The following NSMCE2 variants were observed in gnomAD, a reference collection of about 807,000 sequenced individuals.
The protein encoded by NSMCE2 is E3 SUMO-protein ligase NSE2.
NSMCE2 carries 24 observed loss-of-function variants against 23.8 expected under a neutral mutation model. The ratio of observed to expected loss-of-function variants is 1.01; its 90% CI spans 0.73 to 1.42. NSMCE2 has a LOEUF of 1.42. Ranked by LOEUF, NSMCE2 falls within the 40% of genes most tolerant of loss-of-function variation. The pLI is 0.00. For missense variants in NSMCE2, 284 were observed against 296.5 expected (o/e 0.96, Z 0.31); for synonymous variants, 92 against 94.1 (o/e 0.98, Z 0.13).
At chr8:125,273,962 A>G (rs982867952) in intron 5 of NSMCE2, among the ~76,000 whole-genome samples, 11 of 152,326 alleles carry the variant, frequency 7.2e-5, no homozygotes, top group African/African-American at 2.6e-4. Flanking sequence ...TCCCTCCTCC[A>G]GGTGCCTCCT....
At chr8:125,203,746 A>G (rs1823989876) in intron 5 of NSMCE2, among the ~76,000 whole-genome samples, 1 of 152,166 alleles carries the variant, frequency 6.6e-6, no homozygotes, top group Non-Finnish European at 1.5e-5. Context: ...TTGAGATTAC[A>G]AGGTCCTAGA....
rs186483427 is a variant in NSMCE2 at position 125,241,310 on chromosome 8, A to G, written c.418+59054A>G. Among the ~76,000 whole-genome samples, 1,353 of 152,354 alleles carry G rather than the reference A, an allele frequency of 8.9e-3. 10 individuals carry two copies. The highest frequency in any genetic ancestry group is 0.015 in the Non-Finnish European group (1,048 of 68,028). ...GGCACTGAAATAGAGTGAAAAAGACATTGGCTCACCCATGAAAATGTATAA... is the reference window on the plus strand; with the variant it reads ...GGCACTGAAATAGAGTGAAAAAGACGTTGGCTCACCCATGAAAATGTATAA... On this transcript the variant is annotated intron_variant, in intron 5 of 7. Coordinates refer to ENST00000287437, the MANE Select transcript of NSMCE2 (RefSeq NM_173685.4).
chr8:125,202,091 A>T (rs1823908700), intron 5 of NSMCE2, among the ~76,000 whole-genome samples: 1 of 152,210 alleles, frequency 6.6e-6, no homozygotes, highest in Non-Finnish European at 1.5e-5. Context: ...TTTTGGCGAG[A>T]GTGTCCTGTT....
At chr8:125,334,913 A>T (rs1282690190) in intron 5 of NSMCE2, among the ~76,000 whole-genome samples, 1 of 145,556 alleles carries the variant, frequency 6.9e-6, no homozygotes, top group East Asian at 2.1e-4. Flanking sequence ...ACACCACCAC[A>T]CCCGGCTAAT....
intron 5 of NSMCE2, among the ~76,000 whole-genome samples, chr8:125,293,443 T>C (rs1433568357): frequency 6.6e-6 from 1 of 152,238 alleles, no homozygotes; most frequent in African/African-American, 2.4e-5. Context: ...TAGAGCTAAT[T>C]ATTCTTTGTT....
At chr8:125,229,447 A>G (rs1039049488) in intron 5 of NSMCE2, among the ~76,000 whole-genome samples, 1 of 152,116 alleles carries the variant, frequency 6.6e-6, no homozygotes, top group Admixed American at 6.6e-5. Context: ...CATTTTAGAG[A>G]GCACTGGAAT....
rs115566093 is a variant in NSMCE2 at position 125,185,263 on chromosome 8, G to A, written c.418+3007G>A. On this transcript the variant is annotated intron_variant, in intron 5 of 7. Transcript: ENST00000287437. The stretch of plus-strand genomic sequence containing the variant: ...TAATCTATCTGTGGCTCAGCAGCTG[G>A]TTCTCAAAGTTTTTGGTCTTCTGCT... Among the ~76,000 whole-genome samples the A allele has an allele frequency of 4.6e-3, 694 of 152,104 alleles. 8 individuals are homozygous for A. Among genetic ancestry groups the A allele is most frequent in the African/African-American group, 0.016 (671 of 41,492 alleles).
At chr8:125,362,957 C>T (rs1586823114) in intron 7 of NSMCE2, 1 of 152,056 alleles carries the variant, frequency 6.6e-6, no homozygotes, top group African/African-American at 2.4e-5. Flanking sequence ...ACCTCACTCT[C>T]CACTTCCCTC....
intron 5 of NSMCE2, among the ~76,000 whole-genome samples, chr8:125,303,796 C>T (rs1828654659): frequency 6.6e-6 from 1 of 152,176 alleles, no homozygotes; most frequent in African/African-American, 2.4e-5. Context: ...CCCTCAGTTG[C>T]TCTCAGCTTC....
At chr8:125,177,642 C>T (rs1369475342) in intron 4 of NSMCE2, among the ~76,000 whole-genome samples, 2 of 152,182 alleles carry the variant, frequency 1.3e-5, no homozygotes. Flanking sequence ...AATTCCAGCG[C>T]TGTGTGCAGA....
chr8:125,134,806 C>A (rs957655462), intron 3 of NSMCE2, among the ~76,000 whole-genome samples: 1 of 150,312 alleles, frequency 6.7e-6, no homozygotes, highest in African/African-American at 2.5e-5. Flanking sequence ...TAGCTCACTG[C>A]AGCCTCTACC....
At chr8:125,335,325 C>A (rs1246292439) in intron 5 of NSMCE2, among the ~76,000 whole-genome samples, 1 of 152,174 alleles carries the variant, frequency 6.6e-6, no homozygotes, top group African/African-American at 2.4e-5. Context: ...ATGCCTTTAT[C>A]CTCAGAACAG....
At chr8:125,122,316 C>T (rs1300581991) in intron 3 of NSMCE2, among the ~76,000 whole-genome samples, 1 of 152,104 alleles carries the variant, frequency 6.6e-6, no homozygotes, top group African/African-American at 2.4e-5. Flanking sequence ...CTTCTTGGAT[C>T]ATCTTTGTTT....
chr8:125,136,141 CA>C (rs1270610305), intron 3 of NSMCE2, among the ~76,000 whole-genome samples: 1 of 152,080 alleles, frequency 6.6e-6, no homozygotes, highest in Non-Finnish European at 1.5e-5. Flanking sequence ...TTTGAGACAG[CA>C]GACAAATCTA....
intron 3 of NSMCE2, among the ~76,000 whole-genome samples, chr8:125,118,212 G>A (rs1409010906): frequency 5.3e-5 from 8 of 152,096 alleles, no homozygotes; most frequent in African/African-American, 1.7e-4. Context: ...TGGGCATGGT[G>A]GCACACGCCT....
At chr8:125,150,488 C>T (rs1374225731) in intron 3 of NSMCE2, among the ~76,000 whole-genome samples, 1 of 115,870 alleles carries the variant, frequency 8.6e-6, no homozygotes, top group Non-Finnish European at 1.6e-5. Context: ...GGCTGGAGTG[C>T]AATAGCATGA....
intron 5 of NSMCE2, among the ~76,000 whole-genome samples, chr8:125,324,438 T>G (rs1829566666): frequency 1.4e-5 from 2 of 145,552 alleles, no homozygotes; most frequent in African/African-American, 5.2e-5. Context: ...GAATAGACAT[T>G]GTATGTCATA....
At chr8:125,224,807 A>G (rs1825024869) in intron 5 of NSMCE2, among the ~76,000 whole-genome samples, 1 of 152,200 alleles carries the variant, frequency 6.6e-6, no homozygotes, top group Non-Finnish European at 1.5e-5. Flanking sequence ...AGGTTGAGCA[A>G]TTTGCCAAAC....
At chr8:125,260,483 G>A (rs1236510349) in intron 5 of NSMCE2, among the ~76,000 whole-genome samples, 1 of 150,114 alleles carries the variant, frequency 6.7e-6, no homozygotes, top group African/African-American at 2.5e-5. Context: ...CTGGGTTCTA[G>A]CCCTCCCTGC....
Sources: gnomAD v4.1 joint callset for allele counts (sites outside exome capture counted in the v4.1 genomes callset) on GRCh38, gnomAD v4.1.1 for gene constraint, MANE v1.5 for transcripts, NCBI Gene and HGNC (gene_info 2026-07-23, HGNC 2026-07-21) for gene names.